AKR1B10: variants seen among roughly 807,000 people sequenced by gnomAD.
AKR1B10 encodes the protein ARP.
A neutral mutation model predicts 38.9 loss-of-function variants in AKR1B10; 39 were observed. The observed-to-expected ratio is 1.00, with a 90% CI of 0.78 to 1.31. The LOEUF is 1.31. AKR1B10 is among the 50% of genes most tolerant of loss of function. The pLI is 0.00. For synonymous variants in AKR1B10, 148 were observed against 141.2 expected (o/e 1.05, Z -0.34); for missense variants, 361 against 382.6 (o/e 0.94, Z 0.47).
At chr7:134,531,406 C>T (rs528313025) in intron 2 of AKR1B10, among the ~76,000 whole-genome samples, 1 of 152,236 alleles carries the variant, frequency 6.6e-6, no homozygotes, top group Admixed American at 6.5e-5. Context: ...AAAATGCATA[C>T]ATCTGGTAGG....
intron 4 of AKR1B10, among the ~76,000 whole-genome samples, chr7:134,534,674 C>G (rs1807950553): frequency 6.6e-6 from 1 of 152,138 alleles, no homozygotes; most frequent in Non-Finnish European, 1.5e-5. Flanking sequence ...TCAGTAGAAA[C>G]CTCACTGACC....
At chr7:134,539,058 T>A in intron 9 of AKR1B10, 41 bp downstream of exon 9, 1 of 1,610,612 alleles carries the variant, frequency 6.2e-7, no homozygotes. Flanking sequence ...GCCAGGAGTT[T>A]TTCTAAACTA....
At chr7:134,540,963 C>A in intron 9 of AKR1B10, 84 bp from the exon 10 acceptor site, 1 of 990,570 alleles carries the variant, frequency 1.0e-6, no homozygotes, top group Non-Finnish European at 1.6e-6. Flanking sequence ...ATAGAGTCCA[C>A]CAGGGAAGAA....
chr7:134,528,100 T>A, intron 1 of AKR1B10, 123 bp downstream of exon 1: 1 of 1,279,748 alleles, frequency 7.8e-7, no homozygotes, highest in Non-Finnish European at 1.1e-6. Flanking sequence ...GATTCAGCCC[T>A]GGAGCCAGGA....
intron 1 of AKR1B10, 96 bp downstream of exon 1, chr7:134,528,073 AG>A: frequency 6.7e-7 from 1 of 1,488,172 alleles, no homozygotes; most frequent in Non-Finnish European, 9.2e-7. Flanking sequence ...GAGGTCGGGC[AG>A]GGGTTGGAGA....
Position 134,541,137 on chromosome 7 carries a change from G to A in AKR1B10, c.*48G>A, listed in dbSNP as rs751613736. 7 of 1,383,942 alleles carry A rather than the reference G, an allele frequency of 5.1e-6. No individual in the cohort carries two copies. The highest frequency in any genetic ancestry group is 6.1e-6 in the Non-Finnish European group (6 of 982,462). 85.7% of individuals were successfully genotyped at this position (1,383,942 alleles called of 1,614,324 possible). On this transcript the variant is annotated 3_prime_UTR_variant, in exon 10 of 10. Coordinates refer to ENST00000359579, the MANE Select transcript of AKR1B10 (RefSeq NM_020299.5). ...ATACAGGAGATTCTCTTTCTTCGCT[G>A]AAGTGTGACTACCTCCACTCATGTC...
In AKR1B10 at chr7:134,537,145, C is replaced by T. The variant is rs550212921; in HGVS notation, c.647C>T (p.Pro216Leu). The change falls in exon 6 of 10, where the codon CCG (proline) becomes CTG (leucine). Residue 216 changes from proline to leucine, a missense_variant. Pro to Leu is a moderately conservative substitution (Grantham distance 98, BLOSUM62 -3). Coordinates refer to ENST00000359579, the MANE Select transcript of AKR1B10 (RefSeq NM_020299.5). ...TVTAYSPLGSPDRPWAKPEDP... is the reference protein window; with the variant it reads ...TVTAYSPLGSLDRPWAKPEDP... The stretch of plus-strand genomic sequence containing the variant: ...ACGGCCTACAGCCCCCTGGGCTCTC[C>T]GGATAGACCTTGGTGAGGCTTCCAA... 89 of 1,592,814 alleles carry T rather than the reference C, an allele frequency of 5.6e-5. 1 individual carries two copies. The East Asian group carries it at 8.2e-4, about 15-fold the overall frequency.
chr7:134,530,476 C>T (rs968084262), intron 1 of AKR1B10, among the ~76,000 whole-genome samples, 167 bp from the exon 2 acceptor site: 2 of 152,066 alleles, frequency 1.3e-5, no homozygotes, highest in Non-Finnish European at 2.9e-5. Context: ...TGAAGGTGGC[C>T]TGGGGATAAG....
At chr7:134,539,444 G>A (rs1363311653) in intron 9 of AKR1B10, among the ~76,000 whole-genome samples, 1 of 152,136 alleles carries the variant, frequency 6.6e-6, no homozygotes, top group East Asian at 1.9e-4. Flanking sequence ...ATGTCAGACA[G>A]CAACAAATGC....
chr7:134,530,321 T>C (rs905083938), intron 1 of AKR1B10, among the ~76,000 whole-genome samples: 1 of 152,206 alleles, frequency 6.6e-6, no homozygotes, highest in Non-Finnish European at 1.5e-5. Context: ...GGATAGGACA[T>C]AAGGACATAA....
chr7:134,528,310 G>A (rs559976296), intron 1 of AKR1B10, among the ~76,000 whole-genome samples: 2 of 152,334 alleles, frequency 1.3e-5, no homozygotes, highest in Admixed American at 6.5e-5. Flanking sequence ...CTTGGCTGTG[G>A]GTTTGTTGTG....
intron 4 of AKR1B10, among the ~76,000 whole-genome samples, chr7:134,536,261 T>C (rs1807999040): frequency 6.6e-6 from 1 of 152,266 alleles, no homozygotes; most frequent in African/African-American, 2.4e-5. Flanking sequence ...TGCTATCATT[T>C]GGATTCATTA....
intron 4 of AKR1B10, among the ~76,000 whole-genome samples, chr7:134,533,580 T>C (rs1026931930): frequency 1.3e-5 from 2 of 152,226 alleles, no homozygotes; most frequent in African/African-American, 4.8e-5. Flanking sequence ...AACATCCCCA[T>C]TTATAAATAA....
intron 9 of AKR1B10, among the ~76,000 whole-genome samples, 170 bp from the exon 10 acceptor site, chr7:134,540,877 C>A (rs1199718954): frequency 6.6e-6 from 1 of 152,138 alleles, no homozygotes; most frequent in Non-Finnish European, 1.5e-5. Flanking sequence ...GCCCTCATAT[C>A]GATTTGAGGG....
At chr7:134,540,143 G>A (rs1182480110) in intron 9 of AKR1B10, among the ~76,000 whole-genome samples, 5 of 152,038 alleles carry the variant, frequency 3.3e-5, no homozygotes, top group Non-Finnish European at 5.9e-5. Flanking sequence ...GTGTGAACCC[G>A]GGAGGTAGAG....
intron 1 of AKR1B10, among the ~76,000 whole-genome samples, chr7:134,529,282 C>G (rs1416940289): frequency 1.3e-5 from 2 of 152,186 alleles, no homozygotes; most frequent in African/African-American, 4.8e-5. Flanking sequence ...AGGAACAGAT[C>G]ACTTCCAGCT....
In AKR1B10 at chr7:134,537,661, G is replaced by A. The variant is rs61735100; in HGVS notation, c.741G>A (p.Gln247=). Residue 247 remains glutamine (Q), a splice_region_variant and synonymous_variant, in exon 7 of 10, where the codon CAG becomes CAA. Coordinates refer to ENST00000359579, the MANE Select transcript of AKR1B10 (RefSeq NM_020299.5). ...IAAKHKKTAA[Q]VLIRFHIQRN... is the part of the protein sequence containing the mutation. Reference sequence around the variant, plus strand: ...CAAAGCACAAAAAAACCGCAGCCCAGGTGCCATATTTTTATTTTTCTTGTT... The same window carrying A: ...CAAAGCACAAAAAAACCGCAGCCCAAGTGCCATATTTTTATTTTTCTTGTT... 1,428 of 1,614,072 alleles carry A rather than the reference G, an allele frequency of 8.8e-4. 8 individuals carry two copies. In the African/African-American group the frequency reaches 0.016, roughly 18 times the overall value.
chr7:134,538,918 A>T lies in AKR1B10; in HGVS notation c.826-17A>T, dbSNP rs1808080150. 3 of 1,613,942 alleles carry T rather than the reference A, an allele frequency of 1.9e-6. No individual in the cohort carries two copies. Among genetic ancestry groups the T allele is most frequent in the Non-Finnish European group, 1.7e-6 (2 of 1,179,926 alleles). On this transcript the variant is annotated splice_polypyrimidine_tract_variant and intron_variant, in intron 8 of 9. Transcript: ENST00000359579. Reference sequence around the variant, plus strand: ...AATGGCCTTACTGATGATGTATTGGAACTCCTACCTTTCCAGGTCTTTGAC... The same window carrying T: ...AATGGCCTTACTGATGATGTATTGGTACTCCTACCTTTCCAGGTCTTTGAC...
chr7:134,533,425 T>C (rs1265979137), intron 4 of AKR1B10, among the ~76,000 whole-genome samples: 1 of 152,178 alleles, frequency 6.6e-6, no homozygotes, highest in Non-Finnish European at 1.5e-5. Flanking sequence ...TTGTAACTCA[T>C]GTAGGGCTCA....
Sources: gnomAD v4.1 joint callset for allele counts (sites outside exome capture counted in the v4.1 genomes callset) on GRCh38, gnomAD v4.1.1 for gene constraint, MANE v1.5 for transcripts, NCBI Gene and HGNC (gene_info 2026-07-23, HGNC 2026-07-21) for gene names.